SLC9A9: variants seen among roughly 807,000 people sequenced by gnomAD.
The protein encoded by SLC9A9 is sodium/hydrogen exchanger 9.
Under a neutral mutation model 77.8 loss-of-function variants are expected in SLC9A9, and 62 were observed. That is an observed-to-expected ratio of 0.80 (90% CI 0.65 to 0.98). The LOEUF (loss-of-function observed/expected upper bound fraction) is 0.98. Among genes scored for constraint, SLC9A9 ranks in the 50% least tolerant of loss-of-function variants. SLC9A9 has a pLI of 0.00. For missense variants in SLC9A9, 775 were observed against 774.9 expected, an observed-to-expected ratio of 1.00 and a Z score of 0.00; for synonymous variants, 320 against 283.5, an observed-to-expected ratio of 1.13 and a Z score of -1.29.
intron 6 of SLC9A9, among the ~76,000 whole-genome samples, chr3:143,642,406 C>G (rs947794293): frequency 6.6e-6 from 1 of 152,166 alleles, no homozygotes; most frequent in African/African-American, 2.4e-5. Flanking sequence ...TAAAGCTGTT[C>G]CCCTCCTCTA....
chr3:143,713,702 CA>C (rs879598276), intron 4 of SLC9A9, among the ~76,000 whole-genome samples: 2 of 152,042 alleles, frequency 1.3e-5, no homozygotes, highest in African/African-American at 2.4e-5. Flanking sequence ...TTGCCATGGT[CA>C]GGGGGAAGTA....
intron 9 of SLC9A9, chr3:143,504,068 T>G (rs1405372070): frequency 2.0e-6 from 1 of 502,148 alleles, no homozygotes; most frequent in Non-Finnish European, 3.9e-6. Context: ...TTTCCACTGA[T>G]GACAAGCTTC....
chr3:143,582,786 T>C (rs746431562), intron 6 of SLC9A9, among the ~76,000 whole-genome samples: 1 of 152,200 alleles, frequency 6.6e-6, no homozygotes, highest in Non-Finnish European at 1.5e-5. Context: ...GTTGCATCTC[T>C]TCAAGTTTAG....
At position 143,650,473 on chromosome 3, in the gene SLC9A9, G is replaced by A. The variant is rs562142398; in HGVS notation, c.755+1782C>T. ...GGAAATGTGCAAAAAGGAGGAAATG[G>A]TGAGCAGCAGACAGCACTGGTAGAC... is the stretch of plus-strand genomic sequence containing the variant. On this transcript the variant is annotated intron_variant, in intron 6 of 15. Coordinates refer to ENST00000316549, the MANE Select transcript of SLC9A9 (RefSeq NM_173653.4). Among the ~76,000 whole-genome samples the A allele has an allele frequency of 9.2e-5, 14 of 152,318 alleles. No homozygotes were observed. In the South Asian group the frequency reaches 1.4e-3, roughly 16 times the overall value.
At chr3:143,388,972 C>A (rs2033492146) in intron 12 of SLC9A9, among the ~76,000 whole-genome samples, 1 of 152,134 alleles carries the variant, frequency 6.6e-6, no homozygotes. Context: ...GGACTCCAGG[C>A]ACGGCATGGG....
chr3:143,795,151 G>A, intron 3 of SLC9A9, 74 bp from the exon 4 acceptor site: 1 of 1,401,744 alleles, frequency 7.1e-7, no homozygotes, highest in Non-Finnish European at 9.9e-7. Context: ...AAAAATAAAT[G>A]TATGCAGTTC....
intron 9 of SLC9A9, among the ~76,000 whole-genome samples, chr3:143,542,068 G>A (rs2036699011): frequency 6.6e-6 from 1 of 152,160 alleles, no homozygotes; most frequent in Non-Finnish European, 1.5e-5. Flanking sequence ...CTCAAGTAGG[G>A]AAATAATTCT....
intron 7 of SLC9A9, 34 bp from the exon 8 acceptor site, chr3:143,574,227 C>T: frequency 6.6e-7 from 1 of 1,518,162 alleles, no homozygotes; most frequent in South Asian, 1.1e-5. Context: ...ACAACAACAG[C>T]TTTTACAGCT....
At chr3:143,498,273 T>C (rs895339802) in intron 9 of SLC9A9, among the ~76,000 whole-genome samples, 1 of 152,252 alleles carries the variant, frequency 6.6e-6, no homozygotes, top group South Asian at 2.1e-4. Context: ...TAATACATTA[T>C]AATATTTCAT....
At chr3:143,646,034 G>A (rs1200047658) in intron 6 of SLC9A9, among the ~76,000 whole-genome samples, 1 of 151,924 alleles carries the variant, frequency 6.6e-6, no homozygotes, top group South Asian at 2.1e-4. Context: ...CTTCTATCAT[G>A]GGTAGCAAAA....
At chr3:143,519,028 A>G (rs1448100255) in intron 9 of SLC9A9, among the ~76,000 whole-genome samples, 2 of 152,250 alleles carry the variant, frequency 1.3e-5, no homozygotes, top group African/African-American at 4.8e-5. Context: ...ATCCAACAAA[A>G]AGCAACTGAG....
rs578153419 is a variant in SLC9A9, at chr3:143,291,031, G to C, written c.1605-22051C>G. On this transcript the variant is annotated intron_variant, in intron 14 of 15. Transcript: ENST00000316549. ...TTTGTTGCATATGGCCTGGAATGTT[G>C]TATGTTTAACTGAGGGCGGAAGTGC... Among the ~76,000 whole-genome samples the C allele has an allele frequency of 6.8e-4, 104 of 152,320 alleles. 3 individuals are homozygous for C. The South Asian group carries it at 0.021, about 30-fold the overall frequency.
At chr3:143,313,100 C>T (rs150106234) in intron 14 of SLC9A9, 1 of 152,260 alleles carries the variant, frequency 6.6e-6, no homozygotes, top group East Asian at 1.9e-4. Context: ...CTGTGGAAAA[C>T]AAGTACCATG....
intron 12 of SLC9A9, among the ~76,000 whole-genome samples, chr3:143,393,154 C>T (rs1402352359): frequency 6.6e-6 from 1 of 152,216 alleles, no homozygotes; most frequent in Non-Finnish European, 1.5e-5. Context: ...TTCTTCTCTG[C>T]ACCACACCAC....
At chr3:143,397,743 G>A (rs1302146651) in intron 12 of SLC9A9, among the ~76,000 whole-genome samples, 2 of 152,094 alleles carry the variant, frequency 1.3e-5, no homozygotes, top group East Asian at 3.9e-4. Flanking sequence ...GCTGCTCTTT[G>A]ATGTGCTCAG....
At chr3:143,507,817 A>C (rs1053347133) in intron 9 of SLC9A9, among the ~76,000 whole-genome samples, 2 of 152,214 alleles carry the variant, frequency 1.3e-5, no homozygotes, top group Admixed American at 6.5e-5. Flanking sequence ...AGGTGGCTGC[A>C]GATCTGGTGT....
intron 6 of SLC9A9, among the ~76,000 whole-genome samples, chr3:143,594,090 A>G (rs1347307613): frequency 6.6e-6 from 1 of 152,198 alleles, no homozygotes; most frequent in Non-Finnish European, 1.5e-5. Context: ...CTGGATTTTA[A>G]AAAAAGAGCT....
At chr3:143,805,752 AC>A (rs1404971153) in intron 2 of SLC9A9, among the ~76,000 whole-genome samples, 1 of 151,814 alleles carries the variant, frequency 6.6e-6, no homozygotes, top group East Asian at 1.9e-4. Flanking sequence ...CCAGAGAACA[AC>A]CCCCTTTGAC....
chr3:143,584,353 C>T (rs986316793), intron 6 of SLC9A9, among the ~76,000 whole-genome samples: 1 of 152,200 alleles, frequency 6.6e-6, no homozygotes, highest in African/African-American at 2.4e-5. Context: ...TCAAATCCCA[C>T]AGCCTACTCA....
Sources: allele counts gnomAD v4.1 joint callset (sites outside exome capture counted in the v4.1 genomes callset), GRCh38; gene constraint gnomAD v4.1.1; transcripts MANE v1.5; gene names NCBI Gene and HGNC (gene_info 2026-07-23, HGNC 2026-07-21).